Variants in DLGAP1 observed in about 807,000 individuals in gnomAD.
The protein encoded by DLGAP1 is disks large-associated protein 1.
Under a neutral mutation model 90.8 loss-of-function variants are expected in DLGAP1, and 11 were observed. The ratio of observed to expected loss-of-function variants is 0.12; its 90% CI spans 0.08 to 0.20. The LOEUF (loss-of-function observed/expected upper bound fraction) is 0.20. Ranked by LOEUF, DLGAP1 falls within the 10% of genes least tolerant of loss-of-function variation. DLGAP1 has a pLI of 1.00. For synonymous variants in DLGAP1, 558 were observed against 540.7 expected, an observed-to-expected ratio of 1.03 and a Z score of -0.44; for missense variants, 1,050 against 1,333.8, an observed-to-expected ratio of 0.79 and a Z score of 3.31.
chr18:3,628,410 A>G (rs1364259304), intron 7 of DLGAP1, among the ~76,000 whole-genome samples: 2 of 139,536 alleles, frequency 1.4e-5, no homozygotes, highest in Non-Finnish European at 3.1e-5. Flanking sequence ...GGGGTCTTGT[A>G]CTCCTGACCT....
At chr18:4,269,500 C>CCTG (rs1426597396) in intron 1 of DLGAP1, among the ~76,000 whole-genome samples, 1 of 151,678 alleles carries the variant, frequency 6.6e-6, no homozygotes, top group Non-Finnish European at 1.5e-5. Flanking sequence ...ACTACAGGAG[C>CCTG]CCACCACCAT....
At position 4,265,103 on chromosome 18, in the gene DLGAP1, TTTCCTTCC is replaced by T. The variant is rs150589333; in HGVS notation, c.-266-113824_-266-113817del. On this transcript the variant is annotated intron_variant, in intron 1 of 12. Transcript: ENST00000315677. The stretch of plus-strand genomic sequence containing the variant: ...AAATCTTAATCATATTAATGTAATT[TTTCCTTCC>T]TTCCTTCCTTCCTTCCTTCCTTTCC... Among the ~76,000 whole-genome samples, 250 of 139,690 alleles carry T rather than the reference TTTCCTTCC, an allele frequency of 1.8e-3. 1 individual carries two copies. Among genetic ancestry groups the T allele is most frequent in the African/African-American group, 5.3e-3 (194 of 36,352 alleles). 91.6% of individuals were successfully genotyped at this position (139,690 alleles called of 152,430 possible). A position where few individuals can be genotyped will look rare whatever the true frequency, so the allele number is the denominator to read the frequency against.
chr18:4,316,960 T>G (rs1263793701), intron 1 of DLGAP1, among the ~76,000 whole-genome samples: 1 of 152,176 alleles, frequency 6.6e-6, no homozygotes, highest in Non-Finnish European at 1.5e-5. Flanking sequence ...CTACCAGCAG[T>G]CCCTCCTCTG....
chr18:3,914,853 G>A (rs973263300), intron 3 of DLGAP1, among the ~76,000 whole-genome samples: 2 of 152,108 alleles, frequency 1.3e-5, no homozygotes, highest in African/African-American at 4.8e-5. Context: ...GGACTCAAGC[G>A]ATCCTCCTGC....
chr18:4,166,413 G>A (rs965099000), intron 1 of DLGAP1, among the ~76,000 whole-genome samples: 3 of 152,160 alleles, frequency 2.0e-5, no homozygotes, highest in African/African-American at 7.2e-5. Context: ...TGGAACCTTT[G>A]TGCATTGCTG....
intron 3 of DLGAP1, among the ~76,000 whole-genome samples, chr18:3,948,552 G>A (rs1319417661): frequency 6.6e-6 from 1 of 152,170 alleles, no homozygotes; most frequent in Non-Finnish European, 1.5e-5. Flanking sequence ...GCATGCCTAG[G>A]TTGGTGAAAG....
intron 1 of DLGAP1, among the ~76,000 whole-genome samples, chr18:4,173,238 T>G (rs1209919340): frequency 6.6e-6 from 1 of 152,250 alleles, no homozygotes; most frequent in East Asian, 1.9e-4. Context: ...CATAGTAGTT[T>G]GACCTGCAGG....
chr18:4,433,024 A>G (rs1345187428), intron 1 of DLGAP1, among the ~76,000 whole-genome samples: 3 of 152,162 alleles, frequency 2.0e-5, no homozygotes, highest in Non-Finnish European at 4.4e-5. Context: ...TTCAGCAGCC[A>G]CATAAAGTGG....
rs2064899016 is a variant in DLGAP1 at position 3,775,479 on chromosome 18, C to T, written c.1173-32967G>A. On this transcript the variant is annotated intron_variant, in intron 5 of 12. Transcript: ENST00000315677. This position sits in a 1 kb window ranked among gnomAD's most constrained non-coding sequence, Gnocchi z 4.9. Reference sequence around the variant, plus strand: ...ACTGCTCCAGCAATGTAGGACATGCCTGCTTCCCTTTCCCCTTCCACCATG... The same window carrying T: ...ACTGCTCCAGCAATGTAGGACATGCTTGCTTCCCTTTCCCCTTCCACCATG... Among the ~76,000 whole-genome samples, 1 of 152,176 alleles carries T rather than the reference C, an allele frequency of 6.6e-6. No individual in the cohort carries two copies. Among genetic ancestry groups the T allele is most frequent in the South Asian group, 2.1e-4 (1 of 4,828 alleles).
At chr18:4,404,486 G>C (rs6506200) in intron 1 of DLGAP1, among the ~76,000 whole-genome samples, 20,539 of 152,098 alleles carry the variant, frequency 0.14, 1,527 homozygotes, top group South Asian at 0.17. Context: ...ACAGGTAATA[G>C]CCAAGGTAGA....
intron 7 of DLGAP1, among the ~76,000 whole-genome samples, chr18:3,672,577 CAAAAAAAAAAA>C (rs60316690): frequency 5.1e-5 from 2 of 39,586 alleles, no homozygotes; most frequent in East Asian, 9.2e-4. Context: ...AACTCTATCT[CAAAAAAAAAAA>C]AAAAAAAAAA....
At chr18:4,074,869 G>A (rs1468450580) in intron 2 of DLGAP1, among the ~76,000 whole-genome samples, 1 of 152,106 alleles carries the variant, frequency 6.6e-6, no homozygotes, top group Admixed American at 6.6e-5. Context: ...AATACAGTCA[G>A]CACTCAGAAA....
intron 1 of DLGAP1, among the ~76,000 whole-genome samples, chr18:4,352,183 G>T (rs918012904): frequency 6.6e-6 from 1 of 152,056 alleles, no homozygotes; most frequent in African/African-American, 2.4e-5. Flanking sequence ...CCCTTACTTT[G>T]TTGTCTCATG....
intron 7 of DLGAP1, among the ~76,000 whole-genome samples, chr18:3,712,127 C>T (rs1385387841): frequency 6.6e-6 from 1 of 152,206 alleles, no homozygotes; most frequent in Non-Finnish European, 1.5e-5. Context: ...AAACCCAGAA[C>T]ACACACTTAC....
intron 1 of DLGAP1, among the ~76,000 whole-genome samples, chr18:4,159,545 T>A (rs1266615422): frequency 6.6e-6 from 1 of 152,292 alleles, no homozygotes; most frequent in Admixed American, 6.5e-5. Context: ...CCTATTTATC[T>A]GTTTTTCTCA....
At chr18:4,126,300 A>G (rs949299171) in intron 2 of DLGAP1, among the ~76,000 whole-genome samples, 1 of 152,212 alleles carries the variant, frequency 6.6e-6, no homozygotes, top group African/African-American at 2.4e-5. Context: ...AGAGATAGCA[A>G]TAGTCAACTC....
chr18:3,593,017 G>A (rs1456351907), intron 7 of DLGAP1, among the ~76,000 whole-genome samples: 1 of 152,078 alleles, frequency 6.6e-6, no homozygotes, highest in African/African-American at 2.4e-5. Flanking sequence ...CTCAGAGCAG[G>A]CAACGGACAT....
At chr18:3,543,598 T>C (rs987542797) in intron 9 of DLGAP1, among the ~76,000 whole-genome samples, 4 of 152,210 alleles carry the variant, frequency 2.6e-5, no homozygotes, top group African/African-American at 9.7e-5. Context: ...ATGGCAATGA[T>C]GGAGTAAGAA....
At chr18:4,391,079 A>T (rs2082331330) in intron 1 of DLGAP1, among the ~76,000 whole-genome samples, 1 of 152,126 alleles carries the variant, frequency 6.6e-6, no homozygotes, top group Non-Finnish European at 1.5e-5. Context: ...TTTTTATATA[A>T]ATTTGCTTTA....
Sources: gnomAD v4.1 joint callset for allele counts (sites outside exome capture counted in the v4.1 genomes callset) on GRCh38, gnomAD v4.1.1 for gene constraint, Gnocchi (gnomAD v3.1) non-coding constraint, MANE v1.5 for transcripts, NCBI Gene and HGNC (gene_info 2026-07-23, HGNC 2026-07-21) for gene names.